The following TMEM108 variants were observed in gnomAD, a reference collection of about 807,000 sequenced individuals.
TMEM108 encodes transmembrane protein 108, also known as cancer/testis antigen 124.
In TMEM108, 12 loss-of-function variants were observed where a neutral mutation model predicts 35.1. The ratio of observed to expected loss-of-function variants is 0.34; its 90% CI spans 0.22 to 0.55. TMEM108 has a LOEUF of 0.55. Among genes scored for constraint, TMEM108 ranks in the 20% least tolerant of loss-of-function variants. The pLI, the probability that TMEM108 is intolerant of heterozygous loss-of-function variation, is 0.89. For synonymous variants in TMEM108, 287 were observed against 308.6 expected, an observed-to-expected ratio of 0.93 and a Z score of 0.73; for missense variants, 680 against 753.3, an observed-to-expected ratio of 0.90 and a Z score of 1.14.
chr3:133,041,919 A>T (rs564321353), intron 1 of TMEM108: 2 of 152,360 alleles, frequency 1.3e-5, no homozygotes, highest in South Asian at 4.1e-4. Flanking sequence ...TAAAGTAGTC[A>T]CTATATTTCA....
chr3:133,361,421 T>C (rs2072345640), intron 3 of TMEM108, among the ~76,000 whole-genome samples: 1 of 152,258 alleles, frequency 6.6e-6, no homozygotes. Flanking sequence ...AAGGTTATCA[T>C]GTGGGTTTAA....
intron 2 of TMEM108, among the ~76,000 whole-genome samples, chr3:133,203,582 T>C (rs746484040): frequency 5.3e-4 from 81 of 152,370 alleles, no homozygotes; most frequent in Admixed American, 3.5e-3. Context: ...GTTCTGTTTA[T>C]GTGATGGAGT....
chr3:133,182,005 G>C (rs1945352658), intron 2 of TMEM108, among the ~76,000 whole-genome samples: 1 of 152,180 alleles, frequency 6.6e-6, no homozygotes, highest in Non-Finnish European at 1.5e-5. Context: ...ATGGGCCTTT[G>C]GCAATAATCT....
intron 2 of TMEM108, among the ~76,000 whole-genome samples, chr3:133,053,848 C>A (rs560925448): frequency 6.6e-6 from 1 of 152,172 alleles, no homozygotes; most frequent in African/African-American, 2.4e-5. Context: ...TTCCATTTAT[C>A]GTTCCCACAA....
At chr3:133,118,488 A>G (rs1944314141) in intron 2 of TMEM108, among the ~76,000 whole-genome samples, 1 of 152,190 alleles carries the variant, frequency 6.6e-6, no homozygotes, top group African/African-American at 2.4e-5. Context: ...TGTTTGCAAA[A>G]TACTCTTCAG....
rs1373019991 is a variant in TMEM108 at position 133,380,695 on chromosome 3, C to A, written c.984C>A (p.Gly328=). Residue 328 remains glycine, a synonymous_variant, in exon 4 of 6, where the codon GGC becomes GGA. Transcript: ENST00000321871. This position sits in a 1 kb window ranked among gnomAD's most constrained non-coding sequence, Gnocchi z 5.3. ...CCCACCACGGTGACCCACAGGATGG[C>A]CCCAGCCATAGTGACTCTTGGCTTA... ...QRPHHGDPQD[G]PSHSDSWLTV... is the part of the protein sequence containing the mutation. 1.9e-6 allele frequency: 3 copies of A among 1,614,006 alleles called. No individual in the cohort carries two copies. Among genetic ancestry groups the A allele is most frequent in the East Asian group, 2.2e-5 (1 of 44,894 alleles).
rs139313127 is a variant in TMEM108, at chr3:133,284,962, C to T, written c.40+55611C>T. On this transcript the variant is annotated intron_variant, in intron 3 of 5. Transcript: ENST00000321871. ...TTACTTTGATGAGTATGTTTACCAACGCTTTCTTATTTATTTGTTCTTGCC... is the reference window on the plus strand; with the variant it reads ...TTACTTTGATGAGTATGTTTACCAATGCTTTCTTATTTATTTGTTCTTGCC... Among the ~76,000 whole-genome samples, 435 of 151,762 alleles carry T rather than the reference C, an allele frequency of 2.9e-3. 3 individuals are homozygous for T. The highest frequency in any genetic ancestry group is 0.01 in the African/African-American group (421 of 41,410).
intron 2 of TMEM108, among the ~76,000 whole-genome samples, chr3:133,122,476 A>G (rs974225862): frequency 2.0e-5 from 3 of 152,178 alleles, no homozygotes; most frequent in South Asian, 2.1e-4. Flanking sequence ...ATAACCTGCT[A>G]TCTTTATATT....
chr3:133,233,173 A>G (rs1946180205), intron 3 of TMEM108, among the ~76,000 whole-genome samples: 1 of 151,982 alleles, frequency 6.6e-6, no homozygotes, highest in South Asian at 2.1e-4. Flanking sequence ...TATATCTCCT[A>G]AAGCTATCCC....
chr3:133,038,672 C>T (rs1002616113), intron 1 of TMEM108, among the ~76,000 whole-genome samples: 1 of 152,220 alleles, frequency 6.6e-6, no homozygotes, highest in Non-Finnish European at 1.5e-5. Flanking sequence ...ACCTGGCAGC[C>T]CTGCCTCCGC....
intron 2 of TMEM108, among the ~76,000 whole-genome samples, chr3:133,212,528 A>G (rs1945846629): frequency 6.6e-6 from 1 of 152,148 alleles, no homozygotes. Context: ...TACAAAGTAT[A>G]AAAATTTAAA....
chr3:133,321,777 G>T (rs1264144365), intron 3 of TMEM108, among the ~76,000 whole-genome samples: 1 of 152,056 alleles, frequency 6.6e-6, no homozygotes, highest in Non-Finnish European at 1.5e-5. Context: ...CATATGATAG[G>T]CCACAAAACA....
intron 3 of TMEM108, among the ~76,000 whole-genome samples, chr3:133,281,345 A>G (rs1946909448): frequency 6.6e-6 from 1 of 152,210 alleles, no homozygotes; most frequent in South Asian, 2.1e-4. Context: ...CCACTTTAGA[A>G]AAAATAGGGT....
intron 1 of TMEM108, among the ~76,000 whole-genome samples, chr3:133,040,202 GTTTGTTTT>G (rs997174526): frequency 3.3e-5 from 4 of 119,692 alleles, no homozygotes; most frequent in African/African-American, 8.8e-5. Context: ...TTGTTTGTTT[GTTTGTTTT>G]TTTTTTTTTT....
chr3:133,313,201 A>ATT (rs556757614), intron 3 of TMEM108, among the ~76,000 whole-genome samples: 18 of 144,842 alleles, frequency 1.2e-4, no homozygotes, highest in African/African-American at 2.5e-4. Flanking sequence ...CATATATATA[A>ATT]TTTTTTTTTT....
intron 3 of TMEM108, among the ~76,000 whole-genome samples, chr3:133,333,402 G>A (rs1365344749): frequency 1.3e-5 from 2 of 151,984 alleles, no homozygotes; most frequent in East Asian, 3.9e-4. Flanking sequence ...CTTAGAGCCA[G>A]AAAGACCTTT....
At chr3:133,119,680 C>T (rs1944328824) in intron 2 of TMEM108, among the ~76,000 whole-genome samples, 1 of 152,092 alleles carries the variant, frequency 6.6e-6, no homozygotes. Context: ...ATGAGTGATT[C>T]TAGTCATTAA....
At chr3:133,370,725 C>G (rs1038370395) in intron 3 of TMEM108, among the ~76,000 whole-genome samples, 2 of 152,148 alleles carry the variant, frequency 1.3e-5, no homozygotes, top group Admixed American at 1.3e-4. Flanking sequence ...TGAGAGAACA[C>G]TTTTCGTATG....
intron 2 of TMEM108, among the ~76,000 whole-genome samples, chr3:133,192,020 CT>C (rs59428244): frequency 0.017 from 2,608 of 152,214 alleles, 98 homozygotes; most frequent in African/African-American, 0.059. Context: ...AGCTCTGCCC[CT>C]ATCCCACTCT....
Sources: allele counts gnomAD v4.1 joint callset (sites outside exome capture counted in the v4.1 genomes callset), GRCh38; gene constraint gnomAD v4.1.1; non-coding constraint Gnocchi (gnomAD v3.1); transcripts MANE v1.5; gene names NCBI Gene and HGNC (gene_info 2026-07-23, HGNC 2026-07-21).